AARS1: variants seen among roughly 807,000 people sequenced by gnomAD.
AARS1 encodes the protein alanyl-tRNA synthetase 1, also known as alanine--tRNA ligase, cytoplasmic.
A neutral mutation model predicts 108.9 loss-of-function variants in AARS1; 72 were observed. The ratio of observed to expected loss-of-function variants is 0.66; its 90% confidence interval spans 0.55 to 0.80. The LOEUF is 0.80. Among genes scored for constraint, AARS1 ranks in the 30% least tolerant of loss-of-function variants. AARS1 has a pLI of 0.00. For synonymous variants in AARS1, 489 were observed against 465.7 expected (o/e 1.05, Z -0.64); for missense variants, 1,193 against 1,233.2 (o/e 0.97, Z 0.49).
At position 70,261,053 on chromosome 16, in the gene AARS1, A is replaced by G; in HGVS notation, c.1776T>C (p.Phe592=). The change falls in exon 13 of 21, where the codon TTT becomes TTC. Residue 592 remains phenylalanine, a synonymous_variant. Coordinates refer to ENST00000261772, the MANE Select transcript of AARS1 (RefSeq NM_001605.3). The part of the protein sequence containing the change: ...DLKVGDQVWL[F]IDEPRRRPIM... The stretch of plus-strand genomic sequence containing the variant: ...CAGTAACCCAACTCACCTCATCAAT[A>G]AACAGCCAGACCTGATCCCCCACTT... The G allele has an allele frequency of 6.2e-7, 1 of 1,613,244 alleles. No homozygotes were observed. Among genetic ancestry groups the G allele is most frequent in the Non-Finnish European group, 8.5e-7 (1 of 1,179,438 alleles).
intron 3 of AARS1, 124 bp from the exon 4 acceptor site, chr16:70,276,755 A>C (rs1034324606): frequency 2.4e-6 from 3 of 1,262,716 alleles, no homozygotes; most frequent in Non-Finnish European, 3.4e-6. Context: ...CAAATTCAAG[A>C]TCAGTTTATG....
intron 4 of AARS1, among the ~76,000 whole-genome samples, chr16:70,274,339 C>T (rs967240991): frequency 6.6e-6 from 1 of 151,116 alleles, no homozygotes; most frequent in Non-Finnish European, 1.5e-5. Flanking sequence ...GAAACTCCAT[C>T]TCAAAAAAAG....
Position 70,258,054 on chromosome 16 carries a change from G to C in AARS1, c.2156C>G (p.Ser719Cys), listed in dbSNP as rs764070785. 1 of 1,614,132 alleles carries C rather than the reference G, an allele frequency of 6.2e-7. No homozygotes were observed. The highest frequency in any genetic ancestry group is 8.5e-7 in the Non-Finnish European group (1 of 1,180,018). ...DPSGPAGSLTSVEFCGGTHLR... is the reference protein window; with the variant it reads ...DPSGPAGSLTCVEFCGGTHLR... The stretch of plus-strand genomic sequence containing the variant: ...TCACGTTCCCCCACAGAACTCAACA[G>C]AAGTCAGGGAGCCAGCAGGCCCAGA... The change falls in exon 15 of 21, where the codon TCT becomes TGT. Residue 719 changes from serine to cysteine, a missense_variant. Physicochemically the swap from Ser to Cys is moderately radical, Grantham distance 112 (BLOSUM62 -1). Coordinates refer to ENST00000261772, the MANE Select transcript of AARS1 (RefSeq NM_001605.3).
chr16:70,260,268 TGAACCAG>T (rs1221219006), intron 13 of AARS1, among the ~76,000 whole-genome samples: 1 of 152,214 alleles, frequency 6.6e-6, no homozygotes, highest in Non-Finnish European at 1.5e-5. Flanking sequence ...AGCTATCCTC[TGAACCAG>T]GAAATCAAAG....
chr16:70,256,942 C>G (rs1960006048), intron 15 of AARS1, among the ~76,000 whole-genome samples: 1 of 150,868 alleles, frequency 6.6e-6, no homozygotes, highest in Non-Finnish European at 1.5e-5. Context: ...TGGAGAAACC[C>G]CCTCTCTACT....
rs568519602 is a variant in AARS1 at position 70,273,954 on chromosome 16, C to T, written c.480-1982G>A. ...CGGGAGGCTGAGGTGGGACGATCGC[C>T]TGAGCTCAGGCAGTAAACTATGATT... On this transcript the variant is annotated intron_variant, in intron 4 of 20. Coordinates refer to ENST00000261772, the MANE Select transcript of AARS1 (RefSeq NM_001605.3). 1.4e-4 allele frequency among the ~76,000 whole-genome samples: 21 copies of T among 149,452 alleles called. No individual in the cohort carries two copies. The East Asian group carries it at 4.2e-3, about 30-fold the overall frequency.
At chr16:70,275,680 G>A (rs568215637) in intron 4 of AARS1, among the ~76,000 whole-genome samples, 150 of 150,920 alleles carry the variant, frequency 9.9e-4, no homozygotes, top group African/African-American at 3.3e-3. Flanking sequence ...GGAGAATGGC[G>A]TGAACCTGGG....
At position 70,252,497 on chromosome 16, in the gene AARS1, A is replaced by AG; in HGVS notation, c.*223_*224insC. The AG allele has an allele frequency of 1.7e-6, 1 of 590,396 alleles. No homozygotes were observed. The highest frequency in any genetic ancestry group is 3.0e-6 in the Non-Finnish European group (1 of 330,962). 36.6% of individuals were successfully genotyped at this position (590,396 alleles called of 1,614,324 possible). A position where few individuals can be genotyped will look rare whatever the true frequency, so the allele number is the denominator to read the frequency against. On this transcript the variant is annotated 3_prime_UTR_variant, in exon 21 of 21. Transcript: ENST00000261772. ...ATCTATAGATGCGAGCGTGACGATC[A>AG]ACAGCAATGCGGGGTTAGTGGTTCT... is the stretch of plus-strand genomic sequence containing the variant.
intron 11 of AARS1, among the ~76,000 whole-genome samples, chr16:70,264,568 C>T (rs771836589): frequency 5.9e-5 from 9 of 151,998 alleles, no homozygotes; most frequent in Non-Finnish European, 4.4e-5. Context: ...CCACCTGCCC[C>T]GGCCTCCCAA....
intron 1 of AARS1, among the ~76,000 whole-genome samples, chr16:70,287,414 C>G (rs949710364): frequency 2.0e-5 from 3 of 149,734 alleles, no homozygotes; most frequent in African/African-American, 7.4e-5. Flanking sequence ...GGTGACAAAG[C>G]GAGACCTGTT....
rs528322662 is a variant in AARS1, at chr16:70,272,472, C to T, written c.480-500G>A. Among the ~76,000 whole-genome samples the T allele has an allele frequency of 4.8e-5, 6 of 123,830 alleles. No individual in the cohort carries two copies. The South Asian group carries it at 8.0e-4, about 16-fold the overall frequency. 81.2% of individuals were successfully genotyped at this position (123,830 alleles called of 152,430 possible). ...GATGAGCCGGGATCGCGCCATTGCACTCCAGCCTGGGCAACGAGAGCAAAA... is the reference window on the plus strand; with the variant it reads ...GATGAGCCGGGATCGCGCCATTGCATTCCAGCCTGGGCAACGAGAGCAAAA... On this transcript the variant is annotated intron_variant, in intron 4 of 20. Transcript: ENST00000261772.
At chr16:70,279,137 G>A (rs1960626722) in intron 2 of AARS1, among the ~76,000 whole-genome samples, 1 of 151,224 alleles carries the variant, frequency 6.6e-6, no homozygotes, top group East Asian at 2.0e-4. Context: ...AGATCACAAG[G>A]TCAGGAGTTC....
Position 70,257,681 on chromosome 16 carries a change from C to T in AARS1, c.2177+352G>A, listed in dbSNP as rs1443015490. On this transcript the variant is annotated intron_variant, in intron 15 of 20. Transcript: ENST00000261772. Reference sequence around the variant, plus strand: ...GATACCAGGAATGGGAAGGGCTAGGCCCACATCAAGAGCTCAACAAGCACT... The same window carrying T: ...GATACCAGGAATGGGAAGGGCTAGGTCCACATCAAGAGCTCAACAAGCACT... 2.0e-5 allele frequency among the ~76,000 whole-genome samples: 3 copies of T among 152,134 alleles called. No homozygotes were observed. In the East Asian group the frequency reaches 5.8e-4, roughly 29 times the overall value.
At position 70,269,762 on chromosome 16, in the gene AARS1, C is replaced by T. The variant is rs781494530; in HGVS notation, c.818G>A (p.Gly273Asp). Residue 273 changes from glycine (G) to aspartate (D), a missense_variant and splice_region_variant, in exon 7 of 21, where the codon GGC becomes GAC. By Grantham distance (94) the Gly-to-Asp change is moderately conservative. Coordinates refer to ENST00000261772, the MANE Select transcript of AARS1 (RefSeq NM_001605.3). ...FVPYFEAIQKGTGARPYTGKV... is the reference protein window; with the variant it reads ...FVPYFEAIQKDTGARPYTGKV... ...CCCAGTGTATGGTCGGGCACCTGTG[C>T]CCTATAGATAAGAATCAGGAGGCAG... 12 of 1,614,076 alleles carry T rather than the reference C, an allele frequency of 7.4e-6. No individual in the cohort carries two copies. The South Asian group carries it at 1.2e-4, about 16-fold the overall frequency.
chr16:70,282,997 A>AG (rs1291648019), intron 1 of AARS1, among the ~76,000 whole-genome samples: 1 of 152,140 alleles, frequency 6.6e-6, no homozygotes, highest in Non-Finnish European at 1.5e-5. Flanking sequence ...CAACCTCAAG[A>AG]GGTTCAACAC....
intron 10 of AARS1, 30 bp from the exon 11 acceptor site, chr16:70,265,132 C>A: frequency 1.9e-6 from 3 of 1,613,558 alleles, no homozygotes; most frequent in Non-Finnish European, 1.7e-6. Context: ...GCATAAGTTA[C>A]CGTAAAGTAG....
chr16:70,273,841 C>T (rs1329359472), intron 4 of AARS1, among the ~76,000 whole-genome samples: 4 of 120,272 alleles, frequency 3.3e-5, no homozygotes, highest in Non-Finnish European at 6.4e-5. Context: ...CCAGCATGGG[C>T]GACAGAGCGG....
In AARS1 at chr16:70,259,034, G is replaced by T; in HGVS notation, c.1938C>A (p.Thr646=). ...FDFTAKGAMS[T]QQIKKAEEIA... ...TCTCTTCAGCCTTCTTGATCTGTTG[G>T]GTGGACATGGCTCCCTTGGCAGTAA... Residue 646 remains threonine, a synonymous_variant, in exon 14 of 21, where the codon ACC becomes ACA. Transcript: ENST00000261772. 1 of 1,614,170 alleles carries T rather than the reference G, an allele frequency of 6.2e-7. No homozygotes were observed. Among genetic ancestry groups the T allele is most frequent in the Non-Finnish European group, 8.5e-7 (1 of 1,180,038 alleles).
At chr16:70,267,010 G>C (rs1209222535) in intron 9 of AARS1, among the ~76,000 whole-genome samples, 1 of 151,902 alleles carries the variant, frequency 6.6e-6, no homozygotes, top group Non-Finnish European at 1.5e-5. Flanking sequence ...CTAATTTTTT[G>C]TATTTTTAGT....
Sources: allele counts gnomAD v4.1 joint callset (sites outside exome capture counted in the v4.1 genomes callset), GRCh38; gene constraint gnomAD v4.1.1; transcripts MANE v1.5; gene names NCBI Gene and HGNC (gene_info 2026-07-23, HGNC 2026-07-21).